INSL6: variants seen among roughly 807,000 people sequenced by gnomAD.
The protein encoded by INSL6 is insulin-like peptide INSL6.
Under a neutral mutation model 9.4 loss-of-function variants are expected in INSL6, and 16 were observed. The observed-to-expected ratio is 1.70, with a 90% CI of 1.15 to 2.59. INSL6 has a LOEUF of 2.59. Ranked by LOEUF, INSL6 falls within the 30% of genes most tolerant of loss-of-function variation. The pLI, the probability that INSL6 is intolerant of heterozygous loss-of-function variation, is 0.00. For synonymous variants in INSL6, 154 were observed against 96.9 expected, an observed-to-expected ratio of 1.59 and a Z score of -3.46; for missense variants, 391 against 257.3, an observed-to-expected ratio of 1.52 and a Z score of -3.56.
At chr9:5,113,733 C>A in the INSL6 span, 1 of 167,654 alleles carries the variant, frequency 6.0e-6, no homozygotes. Context: ...ACCCTCACGC[C>A]CTCTGGCCAT....
intron 2 of INSL6, among the ~76,000 whole-genome samples, chr9:5,149,638 T>C (rs1824673608): frequency 6.6e-6 from 1 of 152,122 alleles, no homozygotes. Context: ...GACTGAAATA[T>C]CTTTAAAATG....
At chr9:5,081,957 G>A in the INSL6 span, 1 of 1,020,444 alleles carries the variant, frequency 9.8e-7, no homozygotes, top group Non-Finnish European at 1.5e-6. Flanking sequence ...ACATTTTAAG[G>A]AGTGCTTGTA....
the INSL6 span, among the ~76,000 whole-genome samples, chr9:5,022,419 T>C: frequency 1.3e-5 from 2 of 152,178 alleles, no homozygotes; most frequent in South Asian, 4.1e-4. Flanking sequence ...TCAAAACAAA[T>C]TGATGCCCAT....
chr9:5,064,240 G>A, the INSL6 span, among the ~76,000 whole-genome samples: 1 of 152,094 alleles, frequency 6.6e-6, no homozygotes, highest in African/African-American at 2.4e-5. Flanking sequence ...GTATGTAATT[G>A]GTATGTAGGG....
the INSL6 span, among the ~76,000 whole-genome samples, chr9:5,026,100 C>G: frequency 6.6e-6 from 1 of 152,040 alleles, no homozygotes; most frequent in Non-Finnish European, 1.5e-5. Context: ...TTTATCATGT[C>G]CATCTCTAAC....
At chr9:5,027,363 A>G in the INSL6 span, among the ~76,000 whole-genome samples, 1 of 152,236 alleles carries the variant, frequency 6.6e-6, no homozygotes, top group Non-Finnish European at 1.5e-5. Context: ...ATTATGTCCA[A>G]AAAAGTACAT....
chr9:5,176,719 CA>C (rs34357993), intron 1 of INSL6, among the ~76,000 whole-genome samples: 10,456 of 125,212 alleles, frequency 0.084, 582 homozygotes, highest in African/African-American at 0.17. Flanking sequence ...GAAATCAAAG[CA>C]AAAAAAAAAA....
chr9:5,173,466 G>C, intron 1 of INSL6, among the ~76,000 whole-genome samples: 1 of 152,144 alleles, frequency 6.6e-6, no homozygotes, highest in East Asian at 1.9e-4. Flanking sequence ...GCAGGGAAAT[G>C]GATGGAGCTG....
chr9:5,117,295 G>C, the INSL6 span, among the ~76,000 whole-genome samples: 65 of 152,336 alleles, frequency 4.3e-4, no homozygotes, highest in Middle Eastern at 0.024. Context: ...AATGAGTTCA[G>C]ACCTTCTTTA....
At chr9:5,169,249 C>A (rs1586874002) in intron 1 of INSL6, among the ~76,000 whole-genome samples, 1 of 152,134 alleles carries the variant, frequency 6.6e-6, no homozygotes. Flanking sequence ...AATTTCTAAC[C>A]TATAATACTG....
At chr9:5,111,658 G>A in the INSL6 span, 3 of 402,044 alleles carry the variant, frequency 7.5e-6, no homozygotes, top group East Asian at 6.8e-5. Context: ...CGTCCCTCCC[G>A]CCCAGCAGCG....
chr9:5,136,708 C>T (rs532121396), intron 2 of INSL6, among the ~76,000 whole-genome samples: 83 of 152,236 alleles, frequency 5.5e-4, no homozygotes, highest in African/African-American at 1.9e-3. Context: ...TGAAAACTGG[C>T]ACAAGACAAG....
At chr9:5,147,203 G>A (rs1052609830) in intron 2 of INSL6, among the ~76,000 whole-genome samples, 2 of 152,072 alleles carry the variant, frequency 1.3e-5, no homozygotes, top group African/African-American at 4.8e-5. Context: ...CAATTTCTCA[G>A]TGCAATCAGC....
chr9:5,126,536 C>T (rs983886518), intron 3 of INSL6: 36 of 991,490 alleles, frequency 3.6e-5, no homozygotes, highest in African/African-American at 2.8e-4. Context: ...ATTTAATGTG[C>T]GGAGCTTCCA....
the INSL6 span, chr9:5,109,765 G>C: frequency 6.6e-6 from 1 of 152,068 alleles, no homozygotes; most frequent in Non-Finnish European, 1.5e-5. Flanking sequence ...AGCACTATTT[G>C]TTACCTGTAG....
At chr9:5,110,965 A>G in the INSL6 span, 3 of 603,732 alleles carry the variant, frequency 5.0e-6, no homozygotes, top group South Asian at 4.5e-5. Context: ...GGAGCTCAGT[A>G]ACCTGGACTT....
intron 1 of INSL6, among the ~76,000 whole-genome samples, chr9:5,175,685 G>C (rs1825286040): frequency 6.6e-6 from 1 of 152,080 alleles, no homozygotes; most frequent in African/African-American, 2.4e-5. Flanking sequence ...TGTCAGATCA[G>C]GGACAGCATT....
the INSL6 span, among the ~76,000 whole-genome samples, chr9:4,999,726 G>A: frequency 6.6e-6 from 1 of 152,198 alleles, no homozygotes; most frequent in Non-Finnish European, 1.5e-5. Flanking sequence ...TAGGATTACA[G>A]GCGTGAGCCC....
At chr9:5,134,871 CAATT>C (rs1455714179) in intron 2 of INSL6, among the ~76,000 whole-genome samples, 1 of 152,150 alleles carries the variant, frequency 6.6e-6, no homozygotes, top group Non-Finnish European at 1.5e-5. Context: ...CTAAACACCT[CAATT>C]AAAAGACACA....
Sources: gnomAD v4.1 joint callset for allele counts (sites outside exome capture counted in the v4.1 genomes callset) on GRCh38, gnomAD v4.1.1 for gene constraint, MANE v1.5 for transcripts, NCBI Gene and HGNC (gene_info 2026-07-23, HGNC 2026-07-21) for gene names.